The following KIAA0825 variants were observed in gnomAD, a reference collection of about 807,000 sequenced individuals.
The protein encoded by KIAA0825 is KIAA0825, also known as uncharacterized protein KIAA0825.
Under a neutral mutation model 147.6 loss-of-function variants are expected in KIAA0825, and 119 were observed. The observed-to-expected ratio is 0.81, with a 90% confidence interval of 0.69 to 0.94. The LOEUF (loss-of-function observed/expected upper bound fraction) is 0.94, where lower values mean the gene tolerates loss of function less well. Ranked by LOEUF, KIAA0825 falls within the 40% of genes least tolerant of loss-of-function variation. The probability of loss-of-function intolerance (pLI) is 0.00; values close to 1 mark genes in which losing one functional copy is unlikely to be tolerated. For synonymous variants in KIAA0825, 470 were observed against 518.1 expected, an observed-to-expected ratio of 0.91 and a Z score of 1.26; for missense variants, 1,381 against 1,472.7, an observed-to-expected ratio of 0.94 and a Z score of 1.02.
At chr5:94,197,165 T>A (rs1445754880) in intron 20 of KIAA0825, among the ~76,000 whole-genome samples, 1 of 152,232 alleles carries the variant, frequency 6.6e-6, no homozygotes. Context: ...CCATTCTGAC[T>A]GGTGTGAGAT....
intron 12 of KIAA0825, among the ~76,000 whole-genome samples, chr5:94,460,678 A>T (rs374734968): frequency 4.3e-4 from 65 of 152,162 alleles, no homozygotes; most frequent in African/African-American, 1.5e-3. Context: ...TTGGATGTGT[A>T]AAAAAGCTCA....
At chr5:94,343,472 T>C (rs992115484) in intron 20 of KIAA0825, among the ~76,000 whole-genome samples, 2 of 152,014 alleles carry the variant, frequency 1.3e-5, no homozygotes, top group Non-Finnish European at 2.9e-5. Flanking sequence ...GGGTGGATCA[T>C]GAGGTCAGGA....
At chr5:94,539,862 G>A (rs1375430752) in intron 2 of KIAA0825, among the ~76,000 whole-genome samples, 3 of 152,262 alleles carry the variant, frequency 2.0e-5, no homozygotes, top group South Asian at 4.2e-4. Flanking sequence ...ACTACGGGAT[G>A]TGAACTGCTA....
At chr5:94,249,609 C>A (rs1317374822) in intron 20 of KIAA0825, among the ~76,000 whole-genome samples, 3 of 152,022 alleles carry the variant, frequency 2.0e-5, no homozygotes, top group African/African-American at 4.8e-5. Context: ...TTCATTCCCA[C>A]CCCAGGGCTC....
intron 1 of KIAA0825, among the ~76,000 whole-genome samples, chr5:94,605,249 G>T (rs1345160324): frequency 1.3e-5 from 2 of 152,178 alleles, no homozygotes; most frequent in East Asian, 3.9e-4. Context: ...ACAATAAGAA[G>T]TTCTGAAATT....
At chr5:94,395,645 C>T (rs1750546621) in intron 17 of KIAA0825, among the ~76,000 whole-genome samples, 1 of 152,036 alleles carries the variant, frequency 6.6e-6, no homozygotes, top group Non-Finnish European at 1.5e-5. Flanking sequence ...TCTTACATTA[C>T]CAGATGAAAA....
chr5:94,570,763 C>G (rs1016066363), intron 2 of KIAA0825: 1 of 152,214 alleles, frequency 6.6e-6, no homozygotes, highest in Admixed American at 6.5e-5. Context: ...AGAAAAAGTA[C>G]TTGACTTCAC....
At chr5:94,522,425 T>G (rs1039002397) in intron 4 of KIAA0825, among the ~76,000 whole-genome samples, 5 of 151,662 alleles carry the variant, frequency 3.3e-5, no homozygotes, top group African/African-American at 1.2e-4. Context: ...TCTGCCTTGG[T>G]TTTTTTAAGT....
At chr5:94,161,876 TTCATG>T in intron 20 of KIAA0825, among the ~76,000 whole-genome samples, 1 of 152,200 alleles carries the variant, frequency 6.6e-6, no homozygotes, top group East Asian at 1.9e-4. Flanking sequence ...CCTTTTCACA[TTCATG>T]TCATCTTTGT....
chr5:94,180,958 A>T (rs568040620), intron 20 of KIAA0825, among the ~76,000 whole-genome samples: 27 of 152,142 alleles, frequency 1.8e-4, no homozygotes, highest in Non-Finnish European at 1.0e-4. Flanking sequence ...TATTTAGACC[A>T]CTTCCACCAC....
chr5:94,515,458 A>G (rs1335540194), intron 5 of KIAA0825, among the ~76,000 whole-genome samples: 1 of 152,182 alleles, frequency 6.6e-6, no homozygotes, highest in African/African-American at 2.4e-5. Flanking sequence ...TGAAAAAAAT[A>G]TTGTAGCATA....
At chr5:94,396,532 T>A (rs1228980145) in intron 16 of KIAA0825, 23 bp from the exon 17 acceptor site, 1 of 1,460,682 alleles carries the variant, frequency 6.8e-7, no homozygotes, top group East Asian at 2.5e-5. Flanking sequence ...AGAAAAGGTA[T>A]GATTAATATT....
intron 2 of KIAA0825, among the ~76,000 whole-genome samples, chr5:94,579,199 C>T (rs1012852059): frequency 6.6e-6 from 1 of 152,114 alleles, no homozygotes; most frequent in African/African-American, 2.4e-5. Flanking sequence ...GGATTACAGG[C>T]GTGAGCCACT....
intron 5 of KIAA0825, among the ~76,000 whole-genome samples, chr5:94,504,809 G>A (rs1416199780): frequency 2.7e-5 from 4 of 147,514 alleles, no homozygotes; most frequent in South Asian, 2.1e-4. Flanking sequence ...GCGCAGTGGC[G>A]TAATCTCGGC....
chr5:94,365,841 G>A (rs760349522), intron 20 of KIAA0825, among the ~76,000 whole-genome samples: 5 of 152,154 alleles, frequency 3.3e-5, no homozygotes, highest in Non-Finnish European at 7.3e-5. Context: ...TAGGAGTCAC[G>A]CAGCTGGAGG....
chr5:94,440,188 G>T, intron 13 of KIAA0825, 67 bp from the exon 14 acceptor site: 1 of 1,428,132 alleles, frequency 7.0e-7, no homozygotes, highest in Non-Finnish European at 9.5e-7. Context: ...TAGCCTTAAA[G>T]TACAGATGTA....
At chr5:94,326,373 A>T (rs897972009) in intron 20 of KIAA0825, among the ~76,000 whole-genome samples, 4 of 152,202 alleles carry the variant, frequency 2.6e-5, no homozygotes, top group Non-Finnish European at 4.4e-5. Context: ...ACGAAAGTTT[A>T]TAAGTGCTTC....
At chr5:94,444,422 C>A (rs1388409766) in intron 13 of KIAA0825, among the ~76,000 whole-genome samples, 1 of 152,082 alleles carries the variant, frequency 6.6e-6, no homozygotes, top group Non-Finnish European at 1.5e-5. Context: ...CGAAGTGTAT[C>A]TGTAACTCAA....
chr5:94,365,412 C>T (rs1441106323), intron 20 of KIAA0825, among the ~76,000 whole-genome samples: 3 of 152,154 alleles, frequency 2.0e-5, no homozygotes, highest in African/African-American at 7.2e-5. Context: ...AAGGCAGATG[C>T]CCGCATCAAG....
Sources: allele counts gnomAD v4.1 joint callset (sites outside exome capture counted in the v4.1 genomes callset), GRCh38; gene constraint gnomAD v4.1.1; transcripts MANE v1.5; gene names NCBI Gene and HGNC (gene_info 2026-07-23, HGNC 2026-07-21).